Variants in GSTCD observed in about 807,000 individuals in gnomAD.
GSTCD encodes glutathione S-transferase C-terminal domain-containing protein.
In GSTCD, 44 loss-of-function variants were observed where a neutral mutation model predicts 68.3. The observed-to-expected ratio is 0.64, with a 90% CI of 0.51 to 0.83. The LOEUF is 0.83. Ranked by LOEUF, GSTCD falls within the 40% of genes least tolerant of loss-of-function variation. The probability of loss-of-function intolerance (pLI) is 0.00; values close to 1 mark genes in which losing one functional copy is unlikely to be tolerated. For synonymous variants in GSTCD, 273 were observed against 255.2 expected, an observed-to-expected ratio of 1.07 and a Z score of -0.67; for missense variants, 739 against 735.9, an observed-to-expected ratio of 1.00 and a Z score of -0.05.
chr4:105,766,067 G>A (rs766408971), intron 5 of GSTCD, among the ~76,000 whole-genome samples: 2 of 152,282 alleles, frequency 1.3e-5, no homozygotes, highest in East Asian at 1.9e-4. Flanking sequence ...TCAGAAAATA[G>A]GAACCATTCT....
Position 105,731,904 on chromosome 4 carries a change from G to A in GSTCD, c.1240+2405G>A, listed in dbSNP as rs191694698. 6.9e-3 allele frequency among the ~76,000 whole-genome samples: 1,044 copies of A among 152,236 alleles called. 6 individuals carry two copies. The highest frequency in any genetic ancestry group is 0.01 in the Non-Finnish European group (707 of 68,012). ...TTTATTGAGAGTTTTTAGCATGAAG[G>A]GCTGTTGAATTTTGCCAAAGGCCTT... On this transcript the variant is annotated intron_variant, in intron 5 of 11. Transcript: ENST00000515279.
At chr4:105,819,120 A>C (rs554568317) in intron 5 of GSTCD, among the ~76,000 whole-genome samples, 1 of 151,946 alleles carries the variant, frequency 6.6e-6, no homozygotes. Flanking sequence ...ACAGAGAGGC[A>C]AACAACAAGC....
At chr4:105,763,691 A>G (rs1270724198) in intron 5 of GSTCD, among the ~76,000 whole-genome samples, 1 of 152,172 alleles carries the variant, frequency 6.6e-6, no homozygotes, top group Admixed American at 6.5e-5. Context: ...TTATTCTGGT[A>G]TTTTTAGAAA....
intron 5 of GSTCD, among the ~76,000 whole-genome samples, chr4:105,763,757 A>G (rs1320849599): frequency 1.3e-5 from 2 of 152,180 alleles, no homozygotes; most frequent in Non-Finnish European, 2.9e-5. Context: ...GTTTGGAATC[A>G]AATTTGTACT....
chr4:105,841,820 C>T (rs1451270989), intron 10 of GSTCD, among the ~76,000 whole-genome samples: 3 of 152,116 alleles, frequency 2.0e-5, no homozygotes, highest in Non-Finnish European at 2.9e-5. Context: ...CACTGCACTC[C>T]AGCCTGGGCG....
At chr4:105,842,482 T>A (rs942481757) in intron 11 of GSTCD, among the ~76,000 whole-genome samples, 1 of 152,166 alleles carries the variant, frequency 6.6e-6, no homozygotes, top group Non-Finnish European at 1.5e-5. Context: ...TATACCAAAA[T>A]TGATGCATTA....
At chr4:105,741,184 C>T (rs35237439) in intron 5 of GSTCD, among the ~76,000 whole-genome samples, 13,025 of 151,810 alleles carry the variant, frequency 0.086, 739 homozygotes, top group Middle Eastern at 0.14. Context: ...CTGTATCTCA[C>T]GGGTCATTTC....
chr4:105,766,999 C>G (rs1011910714), intron 5 of GSTCD, among the ~76,000 whole-genome samples: 1 of 143,340 alleles, frequency 7.0e-6, no homozygotes, highest in African/African-American at 2.5e-5. Context: ...AATTGAATTG[C>G]CAGAGTTTAA....
At chr4:105,718,956 A>C in intron 2 of GSTCD, 104 bp from the exon 3 acceptor site, 1 of 818,258 alleles carries the variant, frequency 1.2e-6, no homozygotes, top group Non-Finnish European at 1.9e-6. Flanking sequence ...TAGCCCAGGG[A>C]TGATTGAGCT....
intron 5 of GSTCD, among the ~76,000 whole-genome samples, chr4:105,801,834 C>T (rs1236648774): frequency 1.3e-5 from 2 of 152,012 alleles, no homozygotes; most frequent in South Asian, 2.1e-4. Context: ...TAATTAGCAT[C>T]ATTTTATAAC....
chr4:105,804,216 GCT>G (rs1223408192), intron 5 of GSTCD, among the ~76,000 whole-genome samples: 2 of 151,850 alleles, frequency 1.3e-5, no homozygotes, highest in African/African-American at 4.8e-5. Flanking sequence ...TAAACAGATG[GCT>G]ATATCAGGAA....
At chr4:105,754,267 C>T (rs1170044175) in intron 5 of GSTCD, among the ~76,000 whole-genome samples, 2 of 152,004 alleles carry the variant, frequency 1.3e-5, no homozygotes, top group Non-Finnish European at 2.9e-5. Flanking sequence ...TATGCAATAA[C>T]AATAGCTCAC....
intron 5 of GSTCD, among the ~76,000 whole-genome samples, chr4:105,734,308 T>G (rs898825989): frequency 2.6e-5 from 4 of 152,236 alleles, no homozygotes; most frequent in African/African-American, 9.6e-5. Context: ...ATTCTCCCCG[T>G]CACTTTCAGG....
intron 5 of GSTCD, among the ~76,000 whole-genome samples, chr4:105,772,663 T>C (rs1246821734): frequency 6.6e-6 from 1 of 152,234 alleles, no homozygotes; most frequent in Non-Finnish European, 1.5e-5. Context: ...TTACATTTAT[T>C]GATTTGCATA....
intron 11 of GSTCD, 40 bp from the exon 12 acceptor site, chr4:105,845,401 G>C: frequency 6.2e-7 from 1 of 1,612,522 alleles, no homozygotes; most frequent in Non-Finnish European, 8.5e-7. Context: ...TGTCCTGCTA[G>C]TGAAAGGGTG....
At chr4:105,798,343 T>C (rs898171615) in intron 5 of GSTCD, among the ~76,000 whole-genome samples, 2 of 152,174 alleles carry the variant, frequency 1.3e-5, no homozygotes, top group African/African-American at 4.8e-5. Context: ...TCAACACTCC[T>C]GTTCATATTG....
chr4:105,805,399 A>C (rs1722448732), intron 5 of GSTCD, among the ~76,000 whole-genome samples: 1 of 152,156 alleles, frequency 6.6e-6, no homozygotes, highest in African/African-American at 2.4e-5. Context: ...CCTTTTATTA[A>C]AACTCGAGAA....
At chr4:105,768,309 C>G (rs1159778953) in intron 5 of GSTCD, among the ~76,000 whole-genome samples, 1 of 152,040 alleles carries the variant, frequency 6.6e-6, no homozygotes, top group East Asian at 1.9e-4. Context: ...GGCTTACAGG[C>G]GTAAGTCATC....
At chr4:105,763,744 A>G (rs1734501723) in intron 5 of GSTCD, among the ~76,000 whole-genome samples, 1 of 152,204 alleles carries the variant, frequency 6.6e-6, no homozygotes, top group Non-Finnish European at 1.5e-5. Context: ...ATGTTACATT[A>G]AAGTTTGGAA....
Sources: allele counts gnomAD v4.1 joint callset (sites outside exome capture counted in the v4.1 genomes callset), GRCh38; gene constraint gnomAD v4.1.1; transcripts MANE v1.5; gene names NCBI Gene and HGNC (gene_info 2026-07-23, HGNC 2026-07-21).